The following NBAS variants were observed in gnomAD, a reference collection of about 807,000 sequenced individuals.
The protein encoded by NBAS is NBAS subunit of NRZ tethering complex, also known as NAG/BC035112 fusion.
Under a neutral mutation model 302.5 loss-of-function variants are expected in NBAS, and 219 were observed. The observed-to-expected ratio is 0.72, with a 90% CI of 0.65 to 0.81. NBAS has a LOEUF of 0.81. NBAS is among the 30% of genes least tolerant of loss of function. NBAS has a pLI of 0.00. For synonymous variants in NBAS, 1,118 were observed against 1,021.6 expected, an observed-to-expected ratio of 1.09 and a Z score of -1.80; for missense variants, 2,932 against 2,841.6, an observed-to-expected ratio of 1.03 and a Z score of -0.72.
chr2:14,832,240 G>A, the NBAS span, among the ~76,000 whole-genome samples: 3 of 152,116 alleles, frequency 2.0e-5, no homozygotes, highest in Admixed American at 6.6e-5. Context: ...GGAGCACCTG[G>A]CTAAATAGCA....
the NBAS span, among the ~76,000 whole-genome samples, chr2:14,871,263 A>G: frequency 6.6e-6 from 1 of 152,068 alleles, no homozygotes; most frequent in African/African-American, 2.4e-5. Context: ...GGCAAACGAA[A>G]TGACACATTT....
intron 40 of NBAS, among the ~76,000 whole-genome samples, chr2:15,299,567 C>T (rs914077431): frequency 3.3e-5 from 5 of 152,172 alleles, no homozygotes; most frequent in Admixed American, 2.6e-4. Flanking sequence ...CTTAAAAAAA[C>T]GCATTTTAGA....
At chr2:14,871,525 G>A in the NBAS span, among the ~76,000 whole-genome samples, 1 of 152,002 alleles carries the variant, frequency 6.6e-6, no homozygotes, top group African/African-American at 2.4e-5. Flanking sequence ...CAAAAACATG[G>A]ATCAATATAA....
intron 31 of NBAS, among the ~76,000 whole-genome samples, chr2:15,371,616 T>C (rs4668900): frequency 0.62 from 95,028 of 152,046 alleles, 30,442 homozygotes; most frequent in Middle Eastern, 0.68. Flanking sequence ...AGTGGCTACA[T>C]CAGAATGTAA....
chr2:14,890,112 C>T, the NBAS span, among the ~76,000 whole-genome samples: 1 of 152,096 alleles, frequency 6.6e-6, no homozygotes, highest in Non-Finnish European at 1.5e-5. Context: ...ACTTTTTTCC[C>T]TTAGAAGACC....
chr2:14,831,822 G>A, the NBAS span, among the ~76,000 whole-genome samples: 1 of 152,176 alleles, frequency 6.6e-6, no homozygotes, highest in Non-Finnish European at 1.5e-5. Context: ...TAAAAGAAGT[G>A]TAAGTGAAAT....
chr2:14,939,389 T>C, the NBAS span, among the ~76,000 whole-genome samples: 117 of 152,374 alleles, frequency 7.7e-4, no homozygotes, highest in African/African-American at 2.8e-3. Context: ...ATTTCAATAA[T>C]TTAATTGTTG....
chr2:15,220,210 G>A (rs1487656077), intron 47 of NBAS, among the ~76,000 whole-genome samples: 11 of 134,552 alleles, frequency 8.2e-5, no homozygotes, highest in Non-Finnish European at 1.6e-4. Flanking sequence ...CGGACGGGGC[G>A]GCTGGCCGGG....
chr2:15,402,029 G>C (rs886651275), intron 26 of NBAS, 139 bp downstream of exon 26: 14 of 852,362 alleles, frequency 1.6e-5, no homozygotes, highest in Non-Finnish European at 2.7e-5. Context: ...CAATAGGATT[G>C]CAGATAATTT....
the NBAS span, among the ~76,000 whole-genome samples, chr2:15,032,247 G>A: frequency 6.6e-6 from 1 of 152,212 alleles, no homozygotes; most frequent in Non-Finnish European, 1.5e-5. Context: ...TTTGAAATGA[G>A]GTAATGTACT....
the NBAS span, among the ~76,000 whole-genome samples, chr2:15,124,180 G>A: frequency 1.3e-5 from 2 of 152,256 alleles, no homozygotes; most frequent in East Asian, 1.9e-4. Flanking sequence ...CGGCTTTGTG[G>A]AAGTCTGAAC....
At chr2:14,800,416 G>T in the NBAS span, among the ~76,000 whole-genome samples, 1 of 152,154 alleles carries the variant, frequency 6.6e-6, no homozygotes, top group African/African-American at 2.4e-5. Context: ...TGATTGTGAT[G>T]CTTCCCCAGC....
chr2:14,817,508 A>G, the NBAS span, among the ~76,000 whole-genome samples: 1 of 152,178 alleles, frequency 6.6e-6, no homozygotes, highest in Non-Finnish European at 1.5e-5. Context: ...CCATTGCTTT[A>G]TGTGTTGCCT....
At chr2:15,226,543 G>A (rs1351002929) in intron 47 of NBAS, among the ~76,000 whole-genome samples, 1 of 152,096 alleles carries the variant, frequency 6.6e-6, no homozygotes, top group Non-Finnish European at 1.5e-5. Flanking sequence ...AATTTCATAT[G>A]CACAAATAAT....
intron 35 of NBAS, among the ~76,000 whole-genome samples, chr2:15,334,603 T>C (rs559900151): frequency 1.3e-5 from 2 of 152,364 alleles, no homozygotes; most frequent in East Asian, 1.9e-4. Context: ...TTTATTTTTC[T>C]GTGTTATAAA....
intron 34 of NBAS, among the ~76,000 whole-genome samples, chr2:15,353,206 C>T (rs1425324205): frequency 1.3e-5 from 2 of 152,150 alleles, no homozygotes; most frequent in Non-Finnish European, 2.9e-5. Context: ...ATGGTTGCTC[C>T]ACTGGCTTTA....
the NBAS span, among the ~76,000 whole-genome samples, chr2:15,069,556 C>CA: frequency 2.4e-3 from 351 of 146,090 alleles, 3 homozygotes; most frequent in African/African-American, 7.4e-3. Context: ...CAGTGGGGCT[C>CA]AAAAAAAAAA....
chr2:15,394,946 C>T (rs1294918860), intron 27 of NBAS, among the ~76,000 whole-genome samples: 1 of 152,020 alleles, frequency 6.6e-6, no homozygotes, highest in Non-Finnish European at 1.5e-5. Flanking sequence ...GAACTGACTA[C>T]TACAGGACTG....
At chr2:15,461,417 C>T (rs1380121409) in intron 20 of NBAS, 80 bp from the exon 21 acceptor site, 1 of 1,492,018 alleles carries the variant, frequency 6.7e-7, no homozygotes, top group African/African-American at 1.4e-5. Flanking sequence ...CATTCAAAAA[C>T]TAACTTTTTT....
Sources: gnomAD v4.1 joint callset for allele counts (sites outside exome capture counted in the v4.1 genomes callset) on GRCh38, gnomAD v4.1.1 for gene constraint, MANE v1.5 for transcripts, NCBI Gene and HGNC (gene_info 2026-07-23, HGNC 2026-07-21) for gene names.